The following RPS6KA5 variants were observed in gnomAD, a reference collection of about 807,000 sequenced individuals.
RPS6KA5 encodes ribosomal protein S6 kinase alpha-5.
Under a neutral mutation model 85.5 loss-of-function variants are expected in RPS6KA5, and 27 were observed. The ratio of observed to expected loss-of-function variants is 0.32; its 90% CI spans 0.23 to 0.44. RPS6KA5 has a LOEUF of 0.44. RPS6KA5 is among the 20% of genes least tolerant of loss of function. RPS6KA5 has a pLI of 1.00. For missense variants in RPS6KA5, 811 were observed against 980.9 expected, an observed-to-expected ratio of 0.83 and a Z score of 2.31; for synonymous variants, 334 against 348.2, an observed-to-expected ratio of 0.96 and a Z score of 0.46.
intron 3 of RPS6KA5, among the ~76,000 whole-genome samples, chr14:90,973,525 AAGT>A (rs1375741913): frequency 3.9e-5 from 6 of 151,982 alleles, no homozygotes; most frequent in African/African-American, 1.4e-4. Flanking sequence ...TCCCCCAAAC[AAGT>A]AGAAAATGAC....
At chr14:90,878,886 C>T (rs1283096909) in intron 14 of RPS6KA5, among the ~76,000 whole-genome samples, 1 of 152,128 alleles carries the variant, frequency 6.6e-6, no homozygotes, top group Non-Finnish European at 1.5e-5. Context: ...TGTTATAGGT[C>T]CAATCCTGCC....
rs1272074929 is a variant in RPS6KA5 at position 90,865,368 on chromosome 14, T to C, written c.*6706A>G. The C allele has an allele frequency of 6.6e-6, 1 of 152,226 alleles. No homozygotes were observed. Among genetic ancestry groups the C allele is most frequent in the African/African-American group, 2.4e-5 (1 of 41,454 alleles). 9.4% of individuals were successfully genotyped at this position (152,226 alleles called of 1,614,324 possible). On this transcript the variant is annotated 3_prime_UTR_variant, in exon 17 of 17. Transcript: ENST00000614987. Reference sequence around the variant, plus strand: ...TTATTGCTACATGCAACAACATAGATGCATTTCACAGACATAATGCTGATC... The same window carrying C: ...TTATTGCTACATGCAACAACATAGACGCATTTCACAGACATAATGCTGATC...
Position 90,923,129 on chromosome 14 carries a change from T to C in RPS6KA5, c.686A>G (p.Asp229Gly). The C allele has an allele frequency of 6.2e-7, 1 of 1,610,852 alleles. No homozygotes were observed. The highest frequency in any genetic ancestry group is 8.5e-7 in the Non-Finnish European group (1 of 1,177,454). The change falls in exon 6 of 17, where the codon GAT becomes GGT. Residue 229 changes from aspartate (D) to glycine (G), a missense_variant. Asp to Gly is a moderately conservative substitution (Grantham distance 94, BLOSUM62 -1). Around this residue, in one of 3 missense-constraint regions of RPS6KA5, gnomAD observed 650 missense variants for 793.4 expected, o/e 0.82. Coordinates refer to ENST00000614987, the MANE Select transcript of RPS6KA5 (RefSeq NM_004755.4). ...AGAACATACCTTGTCATGTCCTGAA[T>C]CTCCCCCTCTGACAATATCTGGTGC... The part of the protein sequence containing the change: ...YMAPDIVRGG[D>G]SGHDKAVDWW...
intron 2 of RPS6KA5, among the ~76,000 whole-genome samples, chr14:90,999,684 T>C (rs2040696843): frequency 6.6e-6 from 1 of 152,320 alleles, no homozygotes; most frequent in Admixed American, 6.5e-5. Context: ...CAAGGCCTAG[T>C]GTAAAATGAA....
At chr14:91,017,033 C>A (rs1566868255) in intron 1 of RPS6KA5, among the ~76,000 whole-genome samples, 1 of 152,114 alleles carries the variant, frequency 6.6e-6, no homozygotes. Context: ...CTGTCATCAC[C>A]CAGTGGGCTC....
chr14:90,986,466 C>A (rs116412587), intron 2 of RPS6KA5, among the ~76,000 whole-genome samples: 3 of 151,526 alleles, frequency 2.0e-5, no homozygotes, highest in Non-Finnish European at 4.4e-5. Context: ...AAAAAAAATA[C>A]GTTAAAATAA....
chr14:91,044,804 G>C (rs1338411855), intron 1 of RPS6KA5, among the ~76,000 whole-genome samples: 1 of 151,030 alleles, frequency 6.6e-6, no homozygotes, highest in African/African-American at 2.4e-5. Flanking sequence ...TCAGGAGGCA[G>C]AGGTTGCAGT....
intron 1 of RPS6KA5, among the ~76,000 whole-genome samples, chr14:91,016,048 G>A (rs78967424): frequency 6.6e-6 from 1 of 152,166 alleles, no homozygotes; most frequent in African/African-American, 2.4e-5. Flanking sequence ...GAGAGCTAGA[G>A]CAGTGTGCAG....
chr14:90,912,101 T>C (rs2035856931), intron 7 of RPS6KA5, among the ~76,000 whole-genome samples: 1 of 152,126 alleles, frequency 6.6e-6, no homozygotes, highest in South Asian at 2.1e-4. Flanking sequence ...CCCCCAGCAT[T>C]CTTCTTACCT....
At chr14:91,026,368 C>T (rs1316607200) in intron 1 of RPS6KA5, among the ~76,000 whole-genome samples, 1 of 152,042 alleles carries the variant, frequency 6.6e-6, no homozygotes, top group East Asian at 1.9e-4. Context: ...GGAGCTGGGG[C>T]AATGGCTGTA....
intron 1 of RPS6KA5, among the ~76,000 whole-genome samples, chr14:91,014,223 C>T (rs779804192): frequency 6.6e-6 from 1 of 151,884 alleles, no homozygotes; most frequent in East Asian, 1.9e-4. Context: ...ATTATAAGGC[C>T]GGGGTACGGT....
At chr14:90,982,940 C>T (rs1377698719) in intron 2 of RPS6KA5, among the ~76,000 whole-genome samples, 1 of 152,106 alleles carries the variant, frequency 6.6e-6, no homozygotes, top group East Asian at 1.9e-4. Flanking sequence ...AGTGAAACCC[C>T]ATCTCTACTA....
intron 12 of RPS6KA5, among the ~76,000 whole-genome samples, chr14:90,896,022 T>C (rs984260316): frequency 2.0e-5 from 3 of 152,246 alleles, no homozygotes; most frequent in Non-Finnish European, 4.4e-5. Flanking sequence ...AAAATGTTTC[T>C]TTCTGTATTA....
chr14:91,000,165 A>G (rs2140575313), intron 2 of RPS6KA5, among the ~76,000 whole-genome samples: 1 of 152,278 alleles, frequency 6.6e-6, no homozygotes, highest in East Asian at 1.9e-4. Context: ...CCATATACAC[A>G]TGTAGATATT....
intron 2 of RPS6KA5, among the ~76,000 whole-genome samples, chr14:90,988,436 CATATCATGT>C (rs1444004515): frequency 1.3e-5 from 2 of 152,176 alleles, no homozygotes; most frequent in Non-Finnish European, 2.9e-5. Flanking sequence ...TTTTATTACT[CATATCATGT>C]ATATCTTAGG....
intron 5 of RPS6KA5, among the ~76,000 whole-genome samples, chr14:90,939,753 C>G (rs1566767451): frequency 6.6e-6 from 1 of 152,116 alleles, no homozygotes; most frequent in African/African-American, 2.4e-5. Flanking sequence ...CCACCAGGTC[C>G]TTCCCACAAC....
intron 9 of RPS6KA5, among the ~76,000 whole-genome samples, chr14:90,902,065 A>T (rs1423629973): frequency 1.3e-5 from 2 of 151,574 alleles, no homozygotes; most frequent in Non-Finnish European, 2.9e-5. Flanking sequence ...CTGTGGTCCC[A>T]GCTATTCAGG....
chr14:90,988,069 A>G (rs1018800890), intron 2 of RPS6KA5, among the ~76,000 whole-genome samples: 2 of 152,206 alleles, frequency 1.3e-5, no homozygotes, highest in African/African-American at 4.8e-5. Context: ...GACCAACGGG[A>G]ATGAACTGAA....
At chr14:90,873,399 C>T (rs1412982976) in intron 16 of RPS6KA5, among the ~76,000 whole-genome samples, 2 of 152,130 alleles carry the variant, frequency 1.3e-5, no homozygotes, top group Non-Finnish European at 2.9e-5. Flanking sequence ...TAAGGTCATT[C>T]TAAAAATTAA....
Sources: allele counts gnomAD v4.1 joint callset (sites outside exome capture counted in the v4.1 genomes callset), GRCh38; gene constraint gnomAD v4.1.1; regional missense constraint gnomAD v4.1.1; transcripts MANE v1.5; gene names NCBI Gene and HGNC (gene_info 2026-07-23, HGNC 2026-07-21).